SAMM50: variants seen among roughly 807,000 people sequenced by gnomAD.
SAMM50 encodes sorting and assembly machinery component 50 homolog.
SAMM50 carries 47 observed loss-of-function variants against 66.9 expected under a neutral mutation model. The ratio of observed to expected loss-of-function variants is 0.70; its 90% CI spans 0.56 to 0.90. SAMM50 has a LOEUF of 0.90. SAMM50 is among the 40% of genes least tolerant of loss of function. The pLI, the probability that SAMM50 is intolerant of heterozygous loss-of-function variation, is 0.00. For synonymous variants in SAMM50, 191 were observed against 214.1 expected, an observed-to-expected ratio of 0.89 and a Z score of 0.94; for missense variants, 535 against 595.3, an observed-to-expected ratio of 0.90 and a Z score of 1.05.
chr22:43,976,673 C>A, intron 8 of SAMM50, 77 bp from the exon 9 acceptor site: 1 of 1,037,700 alleles, frequency 9.6e-7, no homozygotes, highest in Non-Finnish European at 1.5e-6. Context: ...CGTGGTGTGG[C>A]CCACGTGCTG....
chr22:43,976,775 A>G lies in SAMM50; in HGVS notation c.803A>G (p.Asn268Ser). ...CACGCCATGGTCATCGATTCTCGGAATTCTTCCATCTTACCAAGGAGAGGT... is the reference window on the plus strand; with the variant it reads ...CACGCCATGGTCATCGATTCTCGGAGTTCTTCCATCTTACCAAGGAGAGGT... ...LSHAMVIDSRNSSILPRRGAL... is the reference protein window; with the variant it reads ...LSHAMVIDSRSSSILPRRGAL... Residue 268 changes from asparagine to serine, a missense_variant, in exon 9 of 15, where the codon AAT becomes AGT. Coordinates refer to ENST00000350028, the MANE Select transcript of SAMM50 (RefSeq NM_015380.5). 1 of 1,612,784 alleles carries G rather than the reference A, an allele frequency of 6.2e-7. No individual in the cohort carries two copies. Among genetic ancestry groups the G allele is most frequent in the Non-Finnish European group, 8.5e-7 (1 of 1,179,224 alleles).
At chr22:43,968,004 C>T (rs567537751) in intron 3 of SAMM50, among the ~76,000 whole-genome samples, 3 of 151,986 alleles carry the variant, frequency 2.0e-5, no homozygotes, top group South Asian at 4.2e-4. Flanking sequence ...GGTGGATCAC[C>T]TGAGGTCAGG....
chr22:43,990,954 T>C (rs1406691212), intron 14 of SAMM50, among the ~76,000 whole-genome samples: 1 of 150,982 alleles, frequency 6.6e-6, no homozygotes, highest in Non-Finnish European at 1.5e-5. Context: ...ATAAACAAAT[T>C]CTATTTCTTA....
rs532692550 is a variant in SAMM50, at chr22:43,976,962, C to T, written c.849+141C>T. ...CACATGCAGTATCGCTTTTGAAGGT[C>T]GCCAGCTCCACTCTCAGGGCTTCCA... On this transcript the variant is annotated intron_variant, in intron 9 of 14. Transcript: ENST00000350028. 348 of 575,536 alleles carry T rather than the reference C, an allele frequency of 6.0e-4. 6 individuals are homozygous for T. In the Middle Eastern group the frequency reaches 6.4e-3, roughly 11 times the overall value. 35.7% of individuals were successfully genotyped at this position (575,536 alleles called of 1,614,324 possible). A position where few individuals can be genotyped will look rare whatever the true frequency, so the allele number is the denominator to read the frequency against.
chr22:43,972,714 A>G (rs952638809), intron 5 of SAMM50, among the ~76,000 whole-genome samples, 157 bp from the exon 6 acceptor site: 1 of 152,224 alleles, frequency 6.6e-6, no homozygotes, highest in African/African-American at 2.4e-5. Context: ...GGCATGTTTT[A>G]AAGAATGAAA....
intron 4 of SAMM50, 95 bp downstream of exon 4, chr22:43,968,913 C>T (rs1370086364): frequency 2.8e-5 from 23 of 814,726 alleles, no homozygotes; most frequent in African/African-American, 5.1e-5. Context: ...CAGCAGAGCA[C>T]TGCTCCCTGC....
At position 43,955,448 on chromosome 22, in the gene SAMM50, C is replaced by T. The variant is rs1047400952; in HGVS notation, c.-130C>T. 6.5e-6 allele frequency: 7 copies of T among 1,083,394 alleles called. No individual in the cohort carries two copies. The highest frequency in any genetic ancestry group is 1.4e-5 in the South Asian group (1 of 73,658). The allele number at this position is 1,083,394 out of a possible 1,614,324, so 67.1% of individuals were successfully genotyped here. A position where few individuals can be genotyped will look rare whatever the true frequency, so the allele number is the denominator to read the frequency against. ...GGGAATCATGGCCGCCCCCAGTGTT[C>T]CGCGTCCGGGGGTTTGTGGGAGTTG... On this transcript the variant is annotated 5_prime_UTR_variant, in exon 1 of 15. Coordinates refer to ENST00000350028, the MANE Select transcript of SAMM50 (RefSeq NM_015380.5).
chr22:43,989,721 T>C (rs1458974327), intron 13 of SAMM50, among the ~76,000 whole-genome samples: 1 of 152,180 alleles, frequency 6.6e-6, no homozygotes, highest in Non-Finnish European at 1.5e-5. Context: ...GCTAACATAA[T>C]GCCCAGCATT....
chr22:43,962,410 A>G lies in SAMM50; in HGVS notation c.22-876A>G, dbSNP rs117555806. Among the ~76,000 whole-genome samples the G allele has an allele frequency of 4.8e-3, 732 of 152,348 alleles. 4 individuals carry two copies. Among genetic ancestry groups the G allele is most frequent in the Non-Finnish European group, 8.1e-3 (550 of 68,030 alleles). On this transcript the variant is annotated intron_variant, in intron 1 of 14. Transcript: ENST00000350028. ...ACTATATGTAGATATATATAGAGAG[A>G]TAGATAAATAGATAGATACAATGTC...
chr22:43,968,836 G>A lies in SAMM50; in HGVS notation c.322+18G>A, dbSNP rs1441940548. The stretch of plus-strand genomic sequence containing the variant: ...ATGTCAAGGTACATATTGTGGTGTA[G>A]TATCTTTATAATTCCCTTTCTGTCC... On this transcript the variant is annotated intron_variant, in intron 4 of 14. Transcript: ENST00000350028. The A allele has an allele frequency of 1.9e-6, 3 of 1,554,154 alleles. No homozygotes were observed. The highest frequency in any genetic ancestry group is 2.2e-5 in the South Asian group (2 of 89,738).
intron 14 of SAMM50, among the ~76,000 whole-genome samples, chr22:43,994,688 C>T (rs2281297): frequency 0.42 from 63,596 of 151,850 alleles, 14,221 homozygotes; most frequent in African/African-American, 0.57. Flanking sequence ...AGGGAGAGAG[C>T]GTGGGGTGCA....
chr22:43,962,916 G>A (rs9614295), intron 1 of SAMM50, among the ~76,000 whole-genome samples: 1 of 48,296 alleles, frequency 2.1e-5, no homozygotes, highest in Non-Finnish European at 3.3e-5. Flanking sequence ...TTTTTTTTTA[G>A]AGATGGGGTC....
chr22:43,961,617 G>A (rs1047788818), intron 1 of SAMM50, among the ~76,000 whole-genome samples: 3 of 152,066 alleles, frequency 2.0e-5, no homozygotes, highest in African/African-American at 4.8e-5. Context: ...ACCTGGCTAA[G>A]TTTTGTATTT....
At chr22:43,965,184 T>TA (rs34840511) in intron 3 of SAMM50, among the ~76,000 whole-genome samples, 81,461 of 132,968 alleles carry the variant, frequency 0.61, 25,674 homozygotes, top group East Asian at 0.81. Flanking sequence ...CATTCCCACT[T>TA]AAAAAAAAAA....
intron 1 of SAMM50, among the ~76,000 whole-genome samples, chr22:43,957,675 C>G (rs548899655): frequency 6.6e-6 from 1 of 152,224 alleles, no homozygotes; most frequent in Non-Finnish European, 1.5e-5. Flanking sequence ...CATCCCGCCT[C>G]GGCCTCCCAA....
chr22:43,961,109 C>T (rs1050941965), intron 1 of SAMM50, among the ~76,000 whole-genome samples: 1 of 152,178 alleles, frequency 6.6e-6, no homozygotes, highest in African/African-American at 2.4e-5. Flanking sequence ...GGTCAGTTAC[C>T]TTTCCGGGGA....
At chr22:43,956,041 C>T (rs1007345570) in intron 1 of SAMM50, among the ~76,000 whole-genome samples, 1 of 152,164 alleles carries the variant, frequency 6.6e-6, no homozygotes, top group Admixed American at 6.5e-5. Flanking sequence ...GTCCTCTTTT[C>T]TCCTGTCTAC....
At position 43,955,620 on chromosome 22, in the gene SAMM50, G is replaced by C. The variant is rs1193492608; in HGVS notation, c.21+22G>C. On this transcript the variant is annotated intron_variant, in intron 1 of 14. Coordinates refer to ENST00000350028, the MANE Select transcript of SAMM50 (RefSeq NM_015380.5). ...CCGGGTAAGAGGCCCAGCGACCCGC[G>C]GGCTGCGAGGCCTCTGGGCCAGCAG... is the stretch of plus-strand genomic sequence containing the variant. 5 of 1,580,142 alleles carry C rather than the reference G, an allele frequency of 3.2e-6. No individual in the cohort carries two copies. In the East Asian group the frequency reaches 1.1e-4, roughly 36 times the overall value.
chr22:43,963,139 T>C (rs979006597), intron 1 of SAMM50, 147 bp from the exon 2 acceptor site: 5 of 517,250 alleles, frequency 9.7e-6, no homozygotes, highest in African/African-American at 7.8e-5. Context: ...ACCTTTTTAC[T>C]CCCTGGTCCC....
Sources: gnomAD v4.1 joint callset for allele counts (sites outside exome capture counted in the v4.1 genomes callset) on GRCh38, gnomAD v4.1.1 for gene constraint, MANE v1.5 for transcripts, NCBI Gene and HGNC (gene_info 2026-07-23, HGNC 2026-07-21) for gene names.